TTC7B: variants seen among roughly 807,000 people sequenced by gnomAD.
The protein encoded by TTC7B is tetratricopeptide repeat domain 7B.
TTC7B carries 28 observed loss-of-function variants against 106.8 expected under a neutral mutation model. The observed-to-expected ratio is 0.26, with a 90% CI of 0.19 to 0.36. The LOEUF (loss-of-function observed/expected upper bound fraction) is 0.36, where lower values mean the gene tolerates loss of function less well. TTC7B is among the 10% of genes least tolerant of loss of function. The pLI, the probability that TTC7B is intolerant of heterozygous loss-of-function variation, is 1.00. For missense variants in TTC7B, 862 were observed against 1,076.4 expected, an observed-to-expected ratio of 0.80 and a Z score of 2.79; for synonymous variants, 405 against 430.6, an observed-to-expected ratio of 0.94 and a Z score of 0.74.
rs556516427 is a variant in TTC7B, at chr14:90,584,610, G to A, written c.2108-6302C>T. Among the ~76,000 whole-genome samples, 4 of 152,314 alleles carry A rather than the reference G, an allele frequency of 2.6e-5. No individual in the cohort carries two copies. The South Asian group carries it at 8.3e-4, about 32-fold the overall frequency. ...TTTCGGAAACGCACACAAAGGAGCAGTCTAGGCTGGAGGCAGCCCTCAGAA... is the reference window on the plus strand; with the variant it reads ...TTTCGGAAACGCACACAAAGGAGCAATCTAGGCTGGAGGCAGCCCTCAGAA... On this transcript the variant is annotated intron_variant, in intron 18 of 19. Coordinates refer to ENST00000328459, the MANE Select transcript of TTC7B (RefSeq NM_001010854.2).
At chr14:90,811,998 C>T (rs1198504089) in intron 1 of TTC7B, among the ~76,000 whole-genome samples, 3 of 152,130 alleles carry the variant, frequency 2.0e-5, no homozygotes, top group Non-Finnish European at 4.4e-5. Flanking sequence ...TCTCTTTTTT[C>T]CCTGCCAGGC....
intron 9 of TTC7B, 67 bp downstream of exon 9, chr14:90,676,456 G>T: frequency 6.4e-7 from 1 of 1,562,036 alleles, no homozygotes. Flanking sequence ...GTCTCACAGC[G>T]CTTCCCTGGG....
chr14:90,694,723 T>C (rs1272667829), intron 6 of TTC7B, among the ~76,000 whole-genome samples: 4 of 139,936 alleles, frequency 2.9e-5, no homozygotes, highest in Admixed American at 7.3e-5. Context: ...ATAAAATAGG[T>C]ATATTTTATA....
chr14:90,750,698 A>C (rs1402874784), intron 3 of TTC7B, among the ~76,000 whole-genome samples: 1 of 152,232 alleles, frequency 6.6e-6, no homozygotes, highest in Admixed American at 6.5e-5. Context: ...ATTCCTAGCA[A>C]TAAGTCCATT....
In TTC7B at chr14:90,533,791, A is replaced by T. The variant is rs924260074; in HGVS notation, c.*7577T>A. 6.6e-6 allele frequency: 1 copy of T among 152,430 alleles called. No homozygotes were observed. The highest frequency in any genetic ancestry group is 2.4e-5 in the African/African-American group (1 of 41,470). The allele number at this position is 152,430 out of a possible 1,614,324, so 9.4% of individuals were successfully genotyped here. A position where few individuals can be genotyped will look rare whatever the true frequency, so the allele number is the denominator to read the frequency against. ...GTGGGTGGCCCGGATGGTCAGCGGG[A>T]GCTGCTGGCTCCAGGCAGACCTGCA... On this transcript the variant is annotated 3_prime_UTR_variant, in exon 20 of 20. Coordinates refer to ENST00000328459, the MANE Select transcript of TTC7B (RefSeq NM_001010854.2).
intron 5 of TTC7B, among the ~76,000 whole-genome samples, chr14:90,723,566 C>T (rs897335684): frequency 5.3e-5 from 8 of 152,174 alleles, no homozygotes; most frequent in African/African-American, 1.4e-4. Context: ...GACCTCTGCA[C>T]ATTTTGCACC....
intron 3 of TTC7B, among the ~76,000 whole-genome samples, chr14:90,753,478 G>A (rs73330791): frequency 0.095 from 14,415 of 152,234 alleles, 1,661 homozygotes; most frequent in African/African-American, 0.28. Flanking sequence ...CCCGATGGCT[G>A]GTCTTGTGTT....
chr14:90,668,748 T>A (rs1478414432), intron 9 of TTC7B, among the ~76,000 whole-genome samples: 1 of 151,994 alleles, frequency 6.6e-6, no homozygotes, highest in Non-Finnish European at 1.5e-5. Flanking sequence ...GGTCTGATGT[T>A]AAACTATGAG....
chr14:90,758,739 GTGTCCTCCTTCAGTCCGGA>G (rs1890403351), intron 3 of TTC7B, among the ~76,000 whole-genome samples: 1 of 152,222 alleles, frequency 6.6e-6, no homozygotes, highest in Admixed American at 6.5e-5. Flanking sequence ...CAGGATCGAC[GTGTCCTCCTTCAGTCCGGA>G]CTCGGCGGAA....
In TTC7B at chr14:90,529,286, C is replaced by T. The variant is rs1889226353; in HGVS notation, c.*12082G>A. ...TGAGCTTGTCAGGGAGAGGCCGTAG[C>T]CCTCACCACCGCTAATGACTGGCTA... On this transcript the variant is annotated 3_prime_UTR_variant, in exon 20 of 20. Coordinates refer to ENST00000328459, the MANE Select transcript of TTC7B (RefSeq NM_001010854.2). 1 of 152,558 alleles carries T rather than the reference C, an allele frequency of 6.6e-6. No individual in the cohort carries two copies. 9.5% of individuals were successfully genotyped at this position (152,558 alleles called of 1,614,324 possible).
intron 5 of TTC7B, among the ~76,000 whole-genome samples, chr14:90,720,458 G>A (rs1304962035): frequency 1.3e-5 from 2 of 152,182 alleles, no homozygotes; most frequent in African/African-American, 2.4e-5. Flanking sequence ...AGTGGAAGCT[G>A]ATAAACACTG....
Position 90,541,426 on chromosome 14 carries a change from A to G in TTC7B, c.2474T>C (p.Leu825Ser). Residue 825 changes from leucine to serine, a missense_variant, in exon 20 of 20, where the codon TTG becomes TCG. Transcript: ENST00000328459. ...AAATECFLTA[L>S]ELEASSPAVP... The stretch of plus-strand genomic sequence containing the variant: ...GGCGGGGCTGCTGGCCTCCAGCTCC[A>G]AGGCTGTCAGGAAGCACTCCGTAGC... 1 of 1,612,726 alleles carries G rather than the reference A, an allele frequency of 6.2e-7. No individual in the cohort carries two copies. Among genetic ancestry groups the G allele is most frequent in the Middle Eastern group, 1.7e-4 (1 of 6,022 alleles).
At chr14:90,680,355 C>T in intron 8 of TTC7B, 117 bp downstream of exon 8, 1 of 748,006 alleles carries the variant, frequency 1.3e-6, no homozygotes, top group Non-Finnish European at 2.2e-6. Flanking sequence ...TCCAGGTATA[C>T]CCTCTAGAAA....
chr14:90,697,617 C>G (rs538601948), intron 5 of TTC7B: 2 of 152,210 alleles, frequency 1.3e-5, no homozygotes, highest in Non-Finnish European at 1.5e-5. Flanking sequence ...TGGTCCAAAA[C>G]TGGAAAGAAA....
intron 4 of TTC7B, among the ~76,000 whole-genome samples, chr14:90,738,307 T>C (rs1413334790): frequency 6.6e-6 from 1 of 152,050 alleles, no homozygotes; most frequent in Non-Finnish European, 1.5e-5. Flanking sequence ...CATACAGCCA[T>C]AGGTAGAGAA....
chr14:90,793,380 C>T (rs931865241), intron 1 of TTC7B, among the ~76,000 whole-genome samples: 5 of 151,758 alleles, frequency 3.3e-5, no homozygotes, highest in South Asian at 2.1e-4. Context: ...AAAAATTAGC[C>T]AGGCGTGGTG....
rs74813352 is a variant in TTC7B at position 90,657,903 on chromosome 14, C to T, written c.1236+401G>A. On this transcript the variant is annotated intron_variant, in intron 10 of 19. Transcript: ENST00000328459. This position sits in a 1 kb window ranked among gnomAD's most constrained non-coding sequence, Gnocchi z 4.2. ...AAGCTTCTATCCTGCCGTTGGACTCCCTCAGCCCACATTTTCATCCAGTAT... is the reference window on the plus strand; with the variant it reads ...AAGCTTCTATCCTGCCGTTGGACTCTCTCAGCCCACATTTTCATCCAGTAT... 7,506 of 196,434 alleles carry T rather than the reference C, an allele frequency of 0.038. 202 individuals are homozygous for T. Among genetic ancestry groups the T allele is most frequent in the Non-Finnish European group, 0.054 (5,086 of 94,018 alleles). The allele number at this position is 196,434 out of a possible 1,614,324, so 12.2% of individuals were successfully genotyped here.
In TTC7B at chr14:90,729,129, C is replaced by T. The variant is rs548978573; in HGVS notation, c.698+946G>A. Among the ~76,000 whole-genome samples the T allele has an allele frequency of 2.0e-5, 3 of 152,310 alleles. No homozygotes were observed. In the South Asian group the frequency reaches 6.2e-4, roughly 32 times the overall value. On this transcript the variant is annotated intron_variant, in intron 5 of 19. Coordinates refer to ENST00000328459, the MANE Select transcript of TTC7B (RefSeq NM_001010854.2). The stretch of plus-strand genomic sequence containing the variant: ...CAGAGGCCTCTGGACCAAAGCAGGC[C>T]TTCTCTCACAAGCAGTTTAATAGGA...
intron 9 of TTC7B, among the ~76,000 whole-genome samples, chr14:90,665,725 CT>C (rs1886385217): frequency 6.6e-6 from 1 of 152,306 alleles, no homozygotes; most frequent in African/African-American, 2.4e-5. Context: ...GCATAGTGAA[CT>C]GTCATCATTA....
Sources: allele counts gnomAD v4.1 joint callset (sites outside exome capture counted in the v4.1 genomes callset), GRCh38; gene constraint gnomAD v4.1.1; non-coding constraint Gnocchi (gnomAD v3.1); transcripts MANE v1.5; gene names NCBI Gene and HGNC (gene_info 2026-07-23, HGNC 2026-07-21).